The following ADGRA3 variants were observed in gnomAD, a reference collection of about 807,000 sequenced individuals.
The protein encoded by ADGRA3 is G-protein coupled receptor 125.
ADGRA3 carries 56 observed loss-of-function variants against 119.8 expected under a neutral mutation model. The observed-to-expected ratio is 0.47, with a 90% CI of 0.38 to 0.58. ADGRA3 has a LOEUF of 0.58. Ranked by LOEUF, ADGRA3 falls within the 20% of genes least tolerant of loss-of-function variation. The probability of loss-of-function intolerance (pLI) is 0.00; values close to 1 mark genes in which losing one functional copy is unlikely to be tolerated. For missense variants in ADGRA3, 1,516 were observed against 1,649.0 expected (o/e 0.92, Z 1.40); for synonymous variants, 607 against 623.8 (o/e 0.97, Z 0.40).
At chr4:22,464,354 T>C (rs1577364168) in intron 2 of ADGRA3, among the ~76,000 whole-genome samples, 2 of 152,194 alleles carry the variant, frequency 1.3e-5, no homozygotes, top group South Asian at 4.1e-4. Context: ...TCTGAAAAAG[T>C]CAGGAAGCTT....
chr4:22,391,323 C>T (rs921372684), intron 17 of ADGRA3, among the ~76,000 whole-genome samples: 2 of 152,128 alleles, frequency 1.3e-5, no homozygotes, highest in Admixed American at 1.3e-4. Flanking sequence ...CCCCCGCCCA[C>T]CTGCCATTTC....
intron 11 of ADGRA3, 95 bp from the exon 12 acceptor site, chr4:22,421,184 G>A: frequency 1.1e-6 from 1 of 925,778 alleles, no homozygotes; most frequent in Non-Finnish European, 1.6e-6. Context: ...CTATGCATTA[G>A]CCAAACCAGA....
chr4:22,405,916 A>T (rs765499283), intron 14 of ADGRA3, among the ~76,000 whole-genome samples: 1 of 152,214 alleles, frequency 6.6e-6, no homozygotes, highest in Non-Finnish European at 1.5e-5. Flanking sequence ...AATTTATTCC[A>T]TCTGTACTTG....
At chr4:22,420,508 A>G (rs1472148254) in intron 12 of ADGRA3, 1 of 258,170 alleles carries the variant, frequency 3.9e-6, no homozygotes, top group Non-Finnish European at 7.2e-6. Context: ...AAGGCTCATG[A>G]TACTTTTAGG....
chr4:22,502,101 C>T (rs1214242877), intron 1 of ADGRA3, among the ~76,000 whole-genome samples: 3 of 152,200 alleles, frequency 2.0e-5, no homozygotes, highest in African/African-American at 7.2e-5. Flanking sequence ...GGAGGTACTA[C>T]CCTTCCTGTA....
At chr4:22,500,231 A>C (rs1264404690) in intron 1 of ADGRA3, among the ~76,000 whole-genome samples, 4 of 152,220 alleles carry the variant, frequency 2.6e-5, no homozygotes, top group African/African-American at 9.6e-5. Context: ...GAAAGCACTT[A>C]AGGTGTCACT....
At chr4:22,513,656 C>A (rs1342574696) in intron 1 of ADGRA3, among the ~76,000 whole-genome samples, 1 of 151,596 alleles carries the variant, frequency 6.6e-6, no homozygotes, top group East Asian at 1.9e-4. Context: ...GAATGACAGG[C>A]ATACGCCACT....
intron 1 of ADGRA3, among the ~76,000 whole-genome samples, chr4:22,503,213 T>C (rs981730678): frequency 6.6e-6 from 1 of 152,180 alleles, no homozygotes; most frequent in Non-Finnish European, 1.5e-5. Context: ...AGGATGAGTT[T>C]ACATTTGGTC....
chr4:22,426,430 A>AATGTCCATGTATCCGATATGTAT, intron 10 of ADGRA3, among the ~76,000 whole-genome samples: 1 of 152,316 alleles, frequency 6.6e-6, no homozygotes, highest in South Asian at 2.1e-4. Flanking sequence ...AACAGTTATC[A>AATGTCCATGTATCCGATATGTAT]ATGTCCATGT....
intron 1 of ADGRA3, among the ~76,000 whole-genome samples, chr4:22,488,934 GA>G (rs1250533223): frequency 1.3e-5 from 2 of 152,150 alleles, no homozygotes; most frequent in African/African-American, 4.8e-5. Context: ...AAGTAGAATA[GA>G]GGTTATAGGG....
chr4:22,444,565 G>T (rs540700648), intron 6 of ADGRA3, among the ~76,000 whole-genome samples: 1 of 152,210 alleles, frequency 6.6e-6, no homozygotes, highest in South Asian at 2.1e-4. Flanking sequence ...CGCCCTGCCT[G>T]TATCAGTCTT....
At chr4:22,514,511 T>C (rs977780472) in intron 1 of ADGRA3, 2 of 152,246 alleles carry the variant, frequency 1.3e-5, no homozygotes, top group Non-Finnish European at 2.9e-5. Flanking sequence ...AACCATACTT[T>C]AAGTGTTTTC....
chr4:22,503,639 A>ACGAAGTGT (rs34871343), intron 1 of ADGRA3, among the ~76,000 whole-genome samples: 28 of 152,208 alleles, frequency 1.8e-4, no homozygotes, highest in East Asian at 3.9e-4. Context: ...ACATGAGGAA[A>ACGAAGTGT]CTGACACCTC....
chr4:22,507,839 C>T (rs748728851), intron 1 of ADGRA3, among the ~76,000 whole-genome samples: 12 of 152,164 alleles, frequency 7.9e-5, no homozygotes, highest in Non-Finnish European at 1.5e-4. Context: ...GTTTGCCACA[C>T]ACATAAGATC....
intron 14 of ADGRA3, among the ~76,000 whole-genome samples, chr4:22,410,066 CTATAAAATGACATATT>C (rs1715129003): frequency 6.6e-6 from 1 of 151,942 alleles, no homozygotes. Flanking sequence ...CCATTTTAAT[CTATAAAATGACATATT>C]AAGATGGTAT....
At chr4:22,400,081 C>T (rs1244065043) in intron 16 of ADGRA3, among the ~76,000 whole-genome samples, 2 of 152,236 alleles carry the variant, frequency 1.3e-5, no homozygotes, top group East Asian at 3.9e-4. Context: ...TATTTCTGCA[C>T]ACTAGCAGTT....
intron 5 of ADGRA3, 43 bp downstream of exon 5, chr4:22,447,397 A>G (rs1447544759): frequency 6.9e-6 from 8 of 1,159,334 alleles, no homozygotes; most frequent in Non-Finnish European, 9.9e-6. Flanking sequence ...TCAAAAAGAC[A>G]TGAAAATCAA....
intron 16 of ADGRA3, among the ~76,000 whole-genome samples, chr4:22,400,403 C>T (rs1249294793): frequency 6.6e-6 from 1 of 151,968 alleles, no homozygotes; most frequent in Non-Finnish European, 1.5e-5. Flanking sequence ...CATAGATGAA[C>T]GTTGAAACAT....
At chr4:22,436,211 T>G (rs1428572058) in intron 9 of ADGRA3, among the ~76,000 whole-genome samples, 1 of 151,888 alleles carries the variant, frequency 6.6e-6, no homozygotes, top group East Asian at 1.9e-4. Flanking sequence ...AAAAAGATAT[T>G]CAAACAAAGG....
Sources: gnomAD v4.1 joint callset for allele counts (sites outside exome capture counted in the v4.1 genomes callset) on GRCh38, gnomAD v4.1.1 for gene constraint, MANE v1.5 for transcripts, NCBI Gene and HGNC (gene_info 2026-07-23, HGNC 2026-07-21) for gene names.